Variants in CASP10 observed in about 807,000 individuals in gnomAD.
CASP10 encodes the protein caspase 10.
In CASP10, 41 loss-of-function variants were observed where a neutral mutation model predicts 48.5. The observed-to-expected ratio is 0.85, with a 90% CI of 0.66 to 1.10. The LOEUF (loss-of-function observed/expected upper bound fraction) is 1.10, where lower values mean the gene tolerates loss of function less well. CASP10 is among the 50% of genes least tolerant of loss of function. The pLI is 0.00. For synonymous variants in CASP10, 232 were observed against 238.4 expected (o/e 0.97, Z 0.25); for missense variants, 614 against 614.5 (o/e 1.00, Z 0.01).
chr2:201,210,939 C>T lies in CASP10; in HGVS notation c.1415+1377C>T, dbSNP rs535785379. 4.6e-5 allele frequency among the ~76,000 whole-genome samples: 7 copies of T among 152,034 alleles called. No homozygotes were observed. In the East Asian group the frequency reaches 1.2e-3, roughly 25 times the overall value. On this transcript the variant is annotated intron_variant, in intron 9 of 9. Transcript: ENST00000286186. ...CAATGTGTGGTTTTTTTTGGTACTC[C>T]AGAAATTTCTGTTATTTTTAATTGA... is the stretch of plus-strand genomic sequence containing the variant.
rs1189646501 is a variant in CASP10 at position 201,220,009 on chromosome 2, C to T, written c.*2268C>T. ...TGTCAAGGAATGAAGAACAACAACT[C>T]TCAGTGGTGCCTGCATTTATAATTA... On this transcript the variant is annotated 3_prime_UTR_variant, in exon 10 of 10. Transcript: ENST00000286186. The T allele has an allele frequency of 3.0e-6, 3 of 985,328 alleles. No individual in the cohort carries two copies. Among genetic ancestry groups the T allele is most frequent in the Admixed American group, 6.1e-5 (1 of 16,272 alleles). 61.0% of individuals were successfully genotyped at this position (985,328 alleles called of 1,614,324 possible).
intron 6 of CASP10, among the ~76,000 whole-genome samples, chr2:201,205,563 A>C (rs942088166): frequency 2.0e-5 from 3 of 151,910 alleles, no homozygotes; most frequent in Non-Finnish European, 4.4e-5. Context: ...GAAGAGGTCC[A>C]CCTAGCCTCT....
At chr2:201,194,087 T>TTG (rs139975621) in intron 4 of CASP10, among the ~76,000 whole-genome samples, 3,975 of 148,432 alleles carry the variant, frequency 0.027, 69 homozygotes, top group South Asian at 0.05. Flanking sequence ...CTTTATTTTC[T>TTG]TGTGTGTGTG....
chr2:201,197,337 A>G (rs193196589), intron 5 of CASP10, among the ~76,000 whole-genome samples: 13 of 152,230 alleles, frequency 8.5e-5, no homozygotes, highest in Admixed American at 3.9e-4. Context: ...AGAGTTGGCC[A>G]GGCATGGTGG....
intron 5 of CASP10, 119 bp from the exon 6 acceptor site, chr2:201,203,611 G>A: frequency 2.1e-6 from 2 of 943,264 alleles, no homozygotes; most frequent in South Asian, 1.3e-5. Flanking sequence ...CCGGCCCAAT[G>A]ACCTTTTCTG....
At position 201,218,749 on chromosome 2, in the gene CASP10, C is replaced by T. The variant is rs573611594; in HGVS notation, c.*1008C>T. 4.6e-5 allele frequency: 45 copies of T among 985,370 alleles called. No individual in the cohort carries two copies. Among genetic ancestry groups the T allele is most frequent in the Non-Finnish European group, 4.7e-5 (39 of 830,000 alleles). 61.0% of individuals were successfully genotyped at this position (985,370 alleles called of 1,614,324 possible). A position where few individuals can be genotyped will look rare whatever the true frequency, so the allele number is the denominator to read the frequency against. On this transcript the variant is annotated 3_prime_UTR_variant, in exon 10 of 10. Transcript: ENST00000286186. ...GCCCTTAAACATTGGACAGTGAGGT[C>T]ACAGTCCACCCACCCTCTCTCTGAT... is the stretch of plus-strand genomic sequence containing the variant.
intron 7 of CASP10, among the ~76,000 whole-genome samples, chr2:201,206,868 G>A (rs1470747549): frequency 1.3e-5 from 2 of 152,066 alleles, no homozygotes; most frequent in Non-Finnish European, 2.9e-5. Context: ...TGAAATCCTT[G>A]TGTATGCTTT....
chr2:201,188,121 A>G (rs1377593184), intron 3 of CASP10, among the ~76,000 whole-genome samples: 2 of 152,164 alleles, frequency 1.3e-5, no homozygotes, highest in East Asian at 3.9e-4. Context: ...CATGAGGCCA[A>G]TATTTGGTAT....
chr2:201,186,832 A>AG, intron 2 of CASP10, among the ~76,000 whole-genome samples: 1 of 152,042 alleles, frequency 6.6e-6, no homozygotes, highest in African/African-American at 2.4e-5. Context: ...GACTACAGGC[A>AG]CCCACCACCA....
At position 201,218,037 on chromosome 2, in the gene CASP10, C is replaced by T. The variant is rs1009868356; in HGVS notation, c.*296C>T. 3.8e-6 allele frequency: 3 copies of T among 788,308 alleles called. No individual in the cohort carries two copies. In the East Asian group the frequency reaches 1.7e-4, roughly 44 times the overall value. 48.8% of individuals were successfully genotyped at this position (788,308 alleles called of 1,614,324 possible). ...CAAGCTGTCCTCCCGCCTCAGCTTC[C>T]CAAGTAGCTGGGACCACAGGTGTGT... On this transcript the variant is annotated 3_prime_UTR_variant, in exon 10 of 10. Transcript: ENST00000286186.
At chr2:201,186,188 G>T in intron 2 of CASP10, 64 bp downstream of exon 2, 1 of 1,221,872 alleles carries the variant, frequency 8.2e-7, no homozygotes, top group South Asian at 1.2e-5. Context: ...TGGCCATTGG[G>T]CTTTGAAAGG....
chr2:201,193,300 C>G (rs530025770), intron 4 of CASP10, 181 bp downstream of exon 4: 2 of 518,830 alleles, frequency 3.9e-6, no homozygotes, highest in African/African-American at 1.9e-5. Flanking sequence ...CTCCGCCTCC[C>G]GGGTTCAAGT....
intron 1 of CASP10, among the ~76,000 whole-genome samples, chr2:201,185,293 C>A (rs945692140): frequency 6.6e-6 from 1 of 152,186 alleles, no homozygotes. Context: ...ATGTAACACA[C>A]ATACCTCACG....
At position 201,185,949 on chromosome 2, in the gene CASP10, G is replaced by A; in HGVS notation, c.172G>A (p.Ala58Thr). ...PNKKLEKSSS[A>T]SDVFEHLLAE... ...CAAGAAGCTGGAGAAGTCCAGCTCA[G>A]CCTCAGATGTTTTTGAACATCTCTT... The change falls in exon 2 of 10, where the codon GCC (alanine) becomes ACC (threonine). Residue 58 changes from alanine to threonine, a missense_variant. Ala to Thr is a moderately conservative substitution (Grantham distance 58). Coordinates refer to ENST00000286186, the MANE Select transcript of CASP10 (RefSeq NM_032977.4). The A allele has an allele frequency of 1.2e-6, 2 of 1,614,172 alleles. No individual in the cohort carries two copies. The highest frequency in any genetic ancestry group is 1.7e-6 in the Non-Finnish European group (2 of 1,180,024).
Position 201,202,207 on chromosome 2 carries a change from A to G in CASP10, c.685-1523A>G, listed in dbSNP as rs369628245. ...TTCTTAAGGAGAGGCATGTCTCTCT[A>G]TGGAGGAGACCTAACACCTGCTTCT... On this transcript the variant is annotated intron_variant, in intron 5 of 9. Transcript: ENST00000286186. 3.3e-5 allele frequency among the ~76,000 whole-genome samples: 5 copies of G among 152,252 alleles called. No individual in the cohort carries two copies. In the East Asian group the frequency reaches 5.8e-4, roughly 18 times the overall value.
At chr2:201,195,660 T>G (rs1450143248) in intron 4 of CASP10, among the ~76,000 whole-genome samples, 182 bp from the exon 5 acceptor site, 1 of 152,018 alleles carries the variant, frequency 6.6e-6, no homozygotes. Context: ...GTCTTGAGCC[T>G]TGGTGTTTGC....
rs886055407 is a variant in CASP10 at position 201,218,074 on chromosome 2, C to T, written c.*333C>T. On this transcript the variant is annotated 3_prime_UTR_variant, in exon 10 of 10. Coordinates refer to ENST00000286186, the MANE Select transcript of CASP10 (RefSeq NM_032977.4). ...GACCACAGGTGTGTACCACCGTGCC[C>T]GGATTTTTTTTATTCTTTATTTTTT... 22 of 732,614 alleles carry T rather than the reference C, an allele frequency of 3.0e-5. No homozygotes were observed. Among genetic ancestry groups the T allele is most frequent in the Middle Eastern group, 5.7e-4 (1 of 1,764 alleles). 45.4% of individuals were successfully genotyped at this position (732,614 alleles called of 1,614,324 possible).
At chr2:201,192,951 C>T in intron 3 of CASP10, 33 bp from the exon 4 acceptor site, 1 of 1,607,358 alleles carries the variant, frequency 6.2e-7, no homozygotes, top group Non-Finnish European at 8.5e-7. Flanking sequence ...AATCAATAGG[C>T]AAGTAAATGT....
chr2:201,227,722 G>GTT (rs367743257), intron 9 of CASP10, among the ~76,000 whole-genome samples: 7,882 of 146,464 alleles, frequency 0.054, 288 homozygotes, highest in Middle Eastern at 0.099. Context: ...ATGCCCGGCT[G>GTT]TTTTTTTTTT....
Sources: gnomAD v4.1 joint callset for allele counts (sites outside exome capture counted in the v4.1 genomes callset) on GRCh38, gnomAD v4.1.1 for gene constraint, MANE v1.5 for transcripts, NCBI Gene and HGNC (gene_info 2026-07-23, HGNC 2026-07-21) for gene names.